Variants in ANO3 observed in about 807,000 individuals in gnomAD.
ANO3 encodes anoctamin-3.
A neutral mutation model predicts 144.8 loss-of-function variants in ANO3; 99 were observed. The observed-to-expected ratio is 0.68, with a 90% CI of 0.58 to 0.81. The LOEUF is 0.81. Among genes scored for constraint, ANO3 ranks in the 30% least tolerant of loss-of-function variants. The pLI, the probability that ANO3 is intolerant of heterozygous loss-of-function variation, is 0.00. For missense variants in ANO3, 905 were observed against 1,202.2 expected, an observed-to-expected ratio of 0.75 and a Z score of 3.66; for synonymous variants, 414 against 392.6, an observed-to-expected ratio of 1.05 and a Z score of -0.64.
intron 7 of ANO3, among the ~76,000 whole-genome samples, chr11:26,528,823 A>T (rs866527530): frequency 1.3e-5 from 2 of 151,750 alleles, no homozygotes; most frequent in South Asian, 4.1e-4. Context: ...AATGTTTTCT[A>T]CATGTCTATA....
At chr11:26,571,807 A>G (rs1850838317) in intron 14 of ANO3, among the ~76,000 whole-genome samples, 1 of 152,100 alleles carries the variant, frequency 6.6e-6, no homozygotes, top group Admixed American at 6.6e-5. Flanking sequence ...TAATCTAGCA[A>G]ATTTGGCAGT....
At chr11:26,279,376 T>C (rs1261798353) in intron 1 of ANO3, among the ~76,000 whole-genome samples, 1 of 152,204 alleles carries the variant, frequency 6.6e-6, no homozygotes, top group African/African-American at 2.4e-5. Context: ...ATTGTTGTTT[T>C]CAAGTCCATG....
At chr11:26,411,472 G>T (rs555193186) in intron 1 of ANO3, among the ~76,000 whole-genome samples, 1 of 151,926 alleles carries the variant, frequency 6.6e-6, no homozygotes, top group Non-Finnish European at 1.5e-5. Flanking sequence ...TAGTATAGAA[G>T]TAAACCATAT....
intron 5 of ANO3, among the ~76,000 whole-genome samples, chr11:26,511,810 T>A (rs975602096): frequency 1.3e-5 from 2 of 152,136 alleles, no homozygotes; most frequent in African/African-American, 4.8e-5. Context: ...CATGTGGTGA[T>A]CTTTTAAACT....
intron 7 of ANO3, among the ~76,000 whole-genome samples, chr11:26,530,768 C>T (rs1849350133): frequency 6.6e-6 from 1 of 152,012 alleles, no homozygotes; most frequent in South Asian, 2.1e-4. Context: ...ACTTGGGAGG[C>T]TGAGGCAGGA....
At chr11:26,509,278 A>G (rs1861558732) in intron 5 of ANO3, among the ~76,000 whole-genome samples, 2 of 151,992 alleles carry the variant, frequency 1.3e-5, no homozygotes, top group African/African-American at 4.8e-5. Flanking sequence ...AAATCAATTA[A>G]CTAACTATTA....
chr11:26,597,926 C>T (rs1352764165), intron 14 of ANO3, among the ~76,000 whole-genome samples: 2 of 152,178 alleles, frequency 1.3e-5, no homozygotes, highest in Non-Finnish European at 2.9e-5. Flanking sequence ...TTCTCCTTCA[C>T]CACGAGAGTT....
intron 1 of ANO3, among the ~76,000 whole-genome samples, chr11:26,336,769 A>T (rs2133894305): frequency 6.6e-6 from 1 of 152,302 alleles, no homozygotes; most frequent in South Asian, 2.1e-4. Context: ...CCATTTATAC[A>T]GTGACAAAAT....
chr11:26,561,350 A>C (rs1293683837), intron 14 of ANO3: 12 of 706,114 alleles, frequency 1.7e-5, no homozygotes, highest in Non-Finnish European at 2.5e-5. Context: ...TGGGCTTTTT[A>C]GATTTTAGTT....
chr11:26,440,286 G>A (rs866422916), intron 1 of ANO3, among the ~76,000 whole-genome samples: 1 of 152,038 alleles, frequency 6.6e-6, no homozygotes, highest in Admixed American at 6.5e-5. Context: ...TGAACTACCT[G>A]AGACTGGATA....
intron 1 of ANO3, among the ~76,000 whole-genome samples, chr11:26,261,235 A>T (rs1402875046): frequency 6.6e-6 from 1 of 152,056 alleles, no homozygotes; most frequent in Admixed American, 6.6e-5. Flanking sequence ...GTCCATAAAA[A>T]ATTACATGAC....
chr11:26,361,052 AT>A (rs1855913663), intron 1 of ANO3, among the ~76,000 whole-genome samples: 1 of 152,200 alleles, frequency 6.6e-6, no homozygotes, highest in Non-Finnish European at 1.5e-5. Context: ...ATGTGACAAC[AT>A]TTTATACTTG....
Position 26,553,219 on chromosome 11 carries a change from G to GTTTTTTTTTTTTTTT in ANO3, c.1290-26_1290-25insTTTTTTTTTTTTTTT. The GTTTTTTTTTTTTTTT allele has an allele frequency of 9.2e-6, 11 of 1,197,664 alleles. 1 individual carries two copies. Among genetic ancestry groups the GTTTTTTTTTTTTTTT allele is most frequent in the Admixed American group, 2.1e-5 (1 of 48,686 alleles). 74.2% of individuals were successfully genotyped at this position (1,197,664 alleles called of 1,614,324 possible). A position where few individuals can be genotyped will look rare whatever the true frequency, so the allele number is the denominator to read the frequency against. The stretch of plus-strand genomic sequence containing the variant: ...TAGTCACAGTTTCATGCTATGTTTT[G>GTTTTTTTTTTTTTTT]TTTTGTTTTTGTTTTTGTTTTTTCT... On this transcript the variant is annotated intron_variant, in intron 12 of 26. Coordinates refer to ENST00000256737, the MANE Select transcript of ANO3 (RefSeq NM_031418.4).
At position 26,465,628 on chromosome 11, in the gene ANO3, A is replaced by G. The variant is rs1489615771; in HGVS notation, c.432+2480A>G. On this transcript the variant is annotated intron_variant, in intron 4 of 26. Transcript: ENST00000256737. Reference sequence around the variant, plus strand: ...GCCATCAGCCAAACACTAAAATAATAGGAAATAACCCCAAGTCCTGCAACC... The same window carrying G: ...GCCATCAGCCAAACACTAAAATAATGGGAAATAACCCCAAGTCCTGCAACC... Among the ~76,000 whole-genome samples the G allele has an allele frequency of 2.0e-5, 3 of 151,918 alleles. 1 individual carries two copies. Among genetic ancestry groups the G allele is most frequent in the Admixed American group, 1.3e-4 (2 of 15,228 alleles).
chr11:26,366,955 C>T (rs1198399644), intron 1 of ANO3, among the ~76,000 whole-genome samples: 1 of 152,062 alleles, frequency 6.6e-6, no homozygotes, highest in Non-Finnish European at 1.5e-5. Context: ...TAATACCAAA[C>T]ATCTACAACT....
At chr11:26,561,547 G>A (rs1179681232) in intron 14 of ANO3, among the ~76,000 whole-genome samples, 1 of 151,898 alleles carries the variant, frequency 6.6e-6, no homozygotes, top group African/African-American at 2.4e-5. Context: ...TGAATCTTGT[G>A]ATTTCAAAGC....
chr11:26,288,652 T>C (rs1216804573), intron 1 of ANO3, among the ~76,000 whole-genome samples: 1 of 152,082 alleles, frequency 6.6e-6, no homozygotes, highest in African/African-American at 2.4e-5. Context: ...TCTGGAGCAA[T>C]AGGGAAAGAA....
intron 17 of ANO3, among the ~76,000 whole-genome samples, chr11:26,599,976 A>T (rs1214057437): frequency 6.6e-6 from 1 of 151,992 alleles, no homozygotes; most frequent in Non-Finnish European, 1.5e-5. Flanking sequence ...GCTTCCATTC[A>T]GTTAGTATCT....
intron 24 of ANO3, among the ~76,000 whole-genome samples, chr11:26,650,925 C>T (rs1339222441): frequency 1.3e-5 from 2 of 152,172 alleles, no homozygotes; most frequent in African/African-American, 4.8e-5. Flanking sequence ...TTACAGAATG[C>T]TCACTACTAG....
Sources: gnomAD v4.1 joint callset for allele counts (sites outside exome capture counted in the v4.1 genomes callset) on GRCh38, gnomAD v4.1.1 for gene constraint, MANE v1.5 for transcripts, NCBI Gene and HGNC (gene_info 2026-07-23, HGNC 2026-07-21) for gene names.